MSN: variants seen among roughly 807,000 people sequenced by gnomAD.
MSN encodes the protein epididymis luminal protein 70.
MSN carries 2 observed loss-of-function variants against 48.0 expected under a neutral mutation model. That is an observed-to-expected ratio of 0.04 (90% CI 0.02 to 0.13). The LOEUF (loss-of-function observed/expected upper bound fraction) is 0.13, where lower values mean the gene tolerates loss of function less well. Among genes scored for constraint, MSN ranks in the 10% least tolerant of loss-of-function variants. The pLI is 1.00. For missense variants in MSN, 267 were observed against 470.1 expected (o/e 0.57, Z 3.99); for synonymous variants, 146 against 166.9 (o/e 0.87, Z 0.97).
intron 1 of MSN, among the ~76,000 whole-genome samples, chrX:65,597,641 C>A (rs2070198052): frequency 8.9e-6 from 1 of 112,294 alleles, no homozygotes; most frequent in Non-Finnish European, 1.9e-5. Context: ...AGCCACCATG[C>A]CCAGTCCAAT....
At chrX:65,696,516 G>C (rs955703035) in intron 1 of MSN, among the ~76,000 whole-genome samples, 1 of 111,099 alleles carries the variant, frequency 9.0e-6, no homozygotes, top group East Asian at 2.8e-4. Context: ...ATTCTGGTTG[G>C]CCTCTTTACT....
chrX:65,640,090 AG>A (rs2070637292), intron 1 of MSN, among the ~76,000 whole-genome samples: 1 of 111,803 alleles, frequency 8.9e-6, no homozygotes, highest in Admixed American at 9.5e-5. Context: ...GGGTCTTAGG[AG>A]GGGACATAAA....
At chrX:65,663,447 T>C (rs1244312613), upstream of MSN, among the ~76,000 whole-genome samples, 1 of 110,150 alleles carries the variant, frequency 9.1e-6, no homozygotes, top group Non-Finnish European at 1.9e-5. Flanking sequence ...TATTAAAATG[T>C]CAAAAAAAAC....
chrX:65,739,373 T>C (rs765121552), intron 12 of MSN, among the ~76,000 whole-genome samples, 179 bp downstream of exon 12: 13 of 111,711 alleles, frequency 1.2e-4, no homozygotes, highest in Middle Eastern at 4.6e-3. Flanking sequence ...AATCAGACCT[T>C]GGGCTATCTC....
Position 65,736,897 on chromosome X carries a change from C to T in MSN, c.1062C>T (p.Ile354=), listed in dbSNP as rs774451909. The change falls in exon 9 of 13, where the codon ATC becomes ATT. Residue 354 remains isoleucine, a synonymous_variant. Transcript: ENST00000360270. Reference sequence around the variant, plus strand: ...AGCTGATGGAGAGGCTGAAGCAGATCGAGGAACAGACTAAGAAGGCTCAGC... The same window carrying T: ...AGCTGATGGAGAGGCTGAAGCAGATTGAGGAACAGACTAAGAAGGCTCAGC... ...KEELMERLKQ[I]EEQTKKAQQE... The T allele has an allele frequency of 5.0e-6, 6 of 1,201,018 alleles. No individual in the cohort carries two copies. Among genetic ancestry groups the T allele is most frequent in the African/African-American group, 3.5e-5 (2 of 56,852 alleles).
In MSN at chrX:65,691,972, G is replaced by A. The variant is rs193092421; in HGVS notation, c.12+24119G>A. Among the ~76,000 whole-genome samples, 4 of 111,928 alleles carry A rather than the reference G, an allele frequency of 3.6e-5. No homozygotes were observed. In the Admixed American group the frequency reaches 3.8e-4, roughly 11 times the overall value. Reference sequence around the variant, plus strand: ...GGAGAAAGGCCTTAGTGTAGTGTTGGCCACTAATGGAGGTCATTAGCCGTG... The same window carrying A: ...GGAGAAAGGCCTTAGTGTAGTGTTGACCACTAATGGAGGTCATTAGCCGTG... On this transcript the variant is annotated intron_variant, in intron 1 of 12. Transcript: ENST00000360270.
intron 1 of MSN, among the ~76,000 whole-genome samples, chrX:65,695,527 A>C (rs1039592293): frequency 2.8e-5 from 3 of 107,627 alleles, no homozygotes; most frequent in Non-Finnish European, 5.8e-5. Flanking sequence ...AAAAAAAAAA[A>C]AAAAAAACAA....
intron 1 of MSN, among the ~76,000 whole-genome samples, chrX:65,599,932 G>A (rs745956340): frequency 9.0e-6 from 1 of 110,581 alleles, no homozygotes; most frequent in South Asian, 3.9e-4. Flanking sequence ...CTGGCAGGCA[G>A]CCCTATGGAG....
At chrX:65,731,081 C>T in intron 4 of MSN, 26 bp from the exon 5 acceptor site, 1 of 1,163,880 alleles carries the variant, frequency 8.6e-7, no homozygotes, top group Non-Finnish European at 1.2e-6. Context: ...GTGCTTTAAA[C>T]TACTCATCAC....
chrX:65,667,600 G>A (rs1049508256), upstream of MSN: 57 of 922,888 alleles, frequency 6.2e-5, no homozygotes, highest in Non-Finnish European at 7.4e-5. Flanking sequence ...GCGCGAGGGC[G>A]GGGAGCGGCG....
chrX:65,655,279 C>A (rs1169358003), intron 1 of MSN, among the ~76,000 whole-genome samples: 2 of 110,912 alleles, frequency 1.8e-5, no homozygotes, highest in African/African-American at 6.6e-5. Context: ...TGTTTCAAGA[C>A]CCTACTTATA....
intron 1 of MSN, among the ~76,000 whole-genome samples, chrX:65,640,874 C>T (rs2070644067): frequency 9.0e-6 from 1 of 111,386 alleles, no homozygotes; most frequent in African/African-American, 3.3e-5. Flanking sequence ...TTTGAGAGGC[C>T]GAGGTGGGCA....
chrX:65,672,233 A>G (rs748961236), intron 1 of MSN, among the ~76,000 whole-genome samples: 5 of 112,358 alleles, frequency 4.5e-5, no homozygotes, highest in Non-Finnish European at 9.4e-5. Flanking sequence ...TTTCATAACC[A>G]TAGCTGCTGG....
At chrX:65,603,139 CA>C (rs2070251557) in intron 1 of MSN, among the ~76,000 whole-genome samples, 1 of 111,454 alleles carries the variant, frequency 9.0e-6, no homozygotes, top group African/African-American at 3.3e-5. Context: ...ACTAAAAATA[CA>C]AAAATTATTT....
intron 4 of MSN, among the ~76,000 whole-genome samples, 157 bp from the exon 5 acceptor site, chrX:65,730,950 C>A (rs925297123): frequency 1.8e-5 from 2 of 112,193 alleles, no homozygotes; most frequent in South Asian, 3.7e-4. Flanking sequence ...TAGTTTAACA[C>A]CTTCTTGCTA....
chrX:65,613,425 T>G (rs1185560048), intron 1 of MSN, among the ~76,000 whole-genome samples: 36 of 114,693 alleles, frequency 3.1e-4, no homozygotes, highest in Non-Finnish European at 5.8e-4. Context: ...GTATTTCTGC[T>G]TCTAGATCCT....
At chrX:65,616,918 A>G (rs376401760) in intron 1 of MSN, among the ~76,000 whole-genome samples, 3 of 110,502 alleles carry the variant, frequency 2.7e-5, no homozygotes, top group Admixed American at 1.9e-4. Context: ...TAGCATGAAG[A>G]GTTGTTGAAT....
At chrX:65,722,677 C>A (rs2071530020) in intron 2 of MSN, among the ~76,000 whole-genome samples, 1 of 110,826 alleles carries the variant, frequency 9.0e-6, no homozygotes, top group Non-Finnish European at 1.9e-5. Context: ...GCCCCAGCCT[C>A]CCAAAATGCT....
At chrX:65,616,714 A>G (rs1488467519) in intron 1 of MSN, among the ~76,000 whole-genome samples, 112 of 101,639 alleles carry the variant, frequency 1.1e-3, no homozygotes, top group African/African-American at 3.9e-3. Flanking sequence ...CTCCTGCCTG[A>G]TTGCCCTGGC....
Sources: allele counts gnomAD v4.1 joint callset (sites outside exome capture counted in the v4.1 genomes callset), GRCh38; gene constraint gnomAD v4.1.1; transcripts MANE v1.5; gene names NCBI Gene and HGNC (gene_info 2026-07-23, HGNC 2026-07-21).